The following PPM1L variants were observed in gnomAD, a reference collection of about 807,000 sequenced individuals.
The protein encoded by PPM1L is protein phosphatase 1L.
A neutral mutation model predicts 31.4 loss-of-function variants in PPM1L; 13 were observed. The observed-to-expected ratio is 0.41, with a 90% CI of 0.27 to 0.66. PPM1L has a LOEUF of 0.66. Among genes scored for constraint, PPM1L ranks in the 30% least tolerant of loss-of-function variants. PPM1L has a pLI of 0.29. For synonymous variants in PPM1L, 184 were observed against 175.4 expected (o/e 1.05, Z -0.39); for missense variants, 326 against 453.7 (o/e 0.72, Z 2.56).
At chr3:160,900,033 G>T (rs938987491) in intron 1 of PPM1L, among the ~76,000 whole-genome samples, 9 of 151,890 alleles carry the variant, frequency 5.9e-5, no homozygotes, top group Non-Finnish European at 1.2e-4. Context: ...TGTGTGTTTT[G>T]GTATATATAA....
chr3:161,076,210 A>AGAT lies in PPM1L; in HGVS notation c.*7055_*7057dup, dbSNP rs1266863930. The AGAT allele has an allele frequency of 6.6e-6, 1 of 152,178 alleles. No homozygotes were observed. The highest frequency in any genetic ancestry group is 1.5e-5 in the Non-Finnish European group (1 of 68,024). 9.4% of individuals were successfully genotyped at this position (152,178 alleles called of 1,614,324 possible). A position where few individuals can be genotyped will look rare whatever the true frequency, so the allele number is the denominator to read the frequency against. On this transcript the variant is annotated 3_prime_UTR_variant, in exon 4 of 4. Transcript: ENST00000498165. ...ATTAGACATCTCTAACCCAAGAAAA[A>AGAT]GATGTCTTTTGTATAACTTTTAAAT...
At chr3:160,781,483 T>A (rs558546631) in intron 1 of PPM1L, among the ~76,000 whole-genome samples, 1 of 152,186 alleles carries the variant, frequency 6.6e-6, no homozygotes, top group South Asian at 2.1e-4. Flanking sequence ...GTCCATTGTA[T>A]TAAAAGAAAA....
intron 1 of PPM1L, among the ~76,000 whole-genome samples, chr3:160,904,015 A>T (rs750044835): frequency 2.0e-5 from 3 of 152,128 alleles, no homozygotes; most frequent in Non-Finnish European, 2.9e-5. Flanking sequence ...AGTTGAAGGG[A>T]AGAGAAAAAT....
At chr3:160,799,685 T>C (rs1165419871) in intron 1 of PPM1L, among the ~76,000 whole-genome samples, 1 of 152,214 alleles carries the variant, frequency 6.6e-6, no homozygotes, top group African/African-American at 2.4e-5. Context: ...ACACTTGCTA[T>C]TCATTTTGCC....
At chr3:160,836,739 A>G (rs1313814492) in intron 1 of PPM1L, among the ~76,000 whole-genome samples, 2 of 152,152 alleles carry the variant, frequency 1.3e-5, no homozygotes, top group East Asian at 1.9e-4. Flanking sequence ...TCTTTAGTCA[A>G]TCAAGCACTC....
intron 2 of PPM1L, among the ~76,000 whole-genome samples, chr3:160,992,665 C>G (rs1171535885): frequency 1.3e-5 from 2 of 152,160 alleles, no homozygotes; most frequent in South Asian, 4.1e-4. Context: ...CAACTTTATC[C>G]TTGGAGCCAT....
chr3:160,906,073 T>C (rs1347898055), intron 1 of PPM1L, among the ~76,000 whole-genome samples: 3 of 152,068 alleles, frequency 2.0e-5, no homozygotes, highest in East Asian at 3.9e-4. Flanking sequence ...AACATTATTA[T>C]TATTATTTTT....
intron 2 of PPM1L, among the ~76,000 whole-genome samples, chr3:161,030,845 G>T (rs1576794120): frequency 6.6e-6 from 1 of 151,524 alleles, no homozygotes; most frequent in African/African-American, 2.4e-5. Context: ...AATCTCTGTT[G>T]AGAAAAAAAA....
In PPM1L at chr3:160,756,665, G is replaced by A; in HGVS notation, c.357G>A (p.Thr119=). The A allele has an allele frequency of 2.5e-6, 4 of 1,614,050 alleles. No homozygotes were observed. Among genetic ancestry groups the A allele is most frequent in the Non-Finnish European group, 3.4e-6 (4 of 1,180,018 alleles). ...TTCTCACGGATCTGGCCAACAAGAC[G>A]CACCCGTCCATCTTCGGGATCTTCG... ...FEVLTDLANK[T]HPSIFGIFDG... Residue 119 remains threonine (T), a synonymous_variant, in exon 1 of 4, where the codon ACG becomes ACA. Transcript: ENST00000498165. This position sits in a 1 kb window ranked among gnomAD's most constrained non-coding sequence, Gnocchi z 6.2.
At chr3:160,878,404 T>G (rs1712589952) in intron 1 of PPM1L, among the ~76,000 whole-genome samples, 1 of 152,210 alleles carries the variant, frequency 6.6e-6, no homozygotes, top group South Asian at 2.1e-4. Context: ...TGCTGGCTTA[T>G]TTAGTTCCTG....
chr3:161,016,259 T>A (rs115831587), intron 2 of PPM1L, among the ~76,000 whole-genome samples: 2,821 of 152,322 alleles, frequency 0.019, 78 homozygotes, highest in African/African-American at 0.063. Context: ...TGCATTAGAC[T>A]ATGATCTCCA....
intron 1 of PPM1L, among the ~76,000 whole-genome samples, chr3:160,849,335 C>T (rs886831308): frequency 5.3e-5 from 8 of 152,186 alleles, no homozygotes; most frequent in African/African-American, 1.9e-4. Context: ...TCACATTCAG[C>T]ATTCCCTGCA....
At chr3:160,814,360 A>T (rs1456775044) in intron 1 of PPM1L, among the ~76,000 whole-genome samples, 1 of 152,090 alleles carries the variant, frequency 6.6e-6, no homozygotes, top group Non-Finnish European at 1.5e-5. Context: ...TTGTCGTTAT[A>T]TGAAAAAGAC....
chr3:160,999,748 T>G (rs1300423085), intron 2 of PPM1L, among the ~76,000 whole-genome samples: 2 of 152,252 alleles, frequency 1.3e-5, no homozygotes, highest in African/African-American at 2.4e-5. Context: ...TATCTCAGTC[T>G]GAAGCATCTA....
At chr3:160,902,020 T>C (rs1181721512) in intron 1 of PPM1L, among the ~76,000 whole-genome samples, 2 of 152,176 alleles carry the variant, frequency 1.3e-5, no homozygotes, top group Non-Finnish European at 2.9e-5. Context: ...GTTATTTCCA[T>C]AGGATTTTTG....
intron 1 of PPM1L, among the ~76,000 whole-genome samples, chr3:160,849,965 C>T (rs1714213958): frequency 6.6e-6 from 1 of 152,182 alleles, no homozygotes; most frequent in Non-Finnish European, 1.5e-5. Context: ...ACAGCCAATT[C>T]TCTGACACCA....
At position 161,074,122 on chromosome 3, in the gene PPM1L, C is replaced by T. The variant is rs1720028390; in HGVS notation, c.*4965C>T. Reference sequence around the variant, plus strand: ...AAACTAATGATCTGTTATATAATAACTGAAATGTAAACTATTAACAGTTAT... The same window carrying T: ...AAACTAATGATCTGTTATATAATAATTGAAATGTAAACTATTAACAGTTAT... On this transcript the variant is annotated 3_prime_UTR_variant, in exon 4 of 4. Transcript: ENST00000498165. The T allele has an allele frequency of 3.3e-5, 5 of 152,282 alleles. No homozygotes were observed. In the South Asian group the frequency reaches 1.0e-3, roughly 32 times the overall value. 9.4% of individuals were successfully genotyped at this position (152,282 alleles called of 1,614,324 possible). A position where few individuals can be genotyped will look rare whatever the true frequency, so the allele number is the denominator to read the frequency against.
intron 3 of PPM1L, among the ~76,000 whole-genome samples, chr3:161,068,226 G>A (rs1290158701): frequency 6.6e-6 from 1 of 152,190 alleles, no homozygotes; most frequent in East Asian, 1.9e-4. Context: ...GGAGACTGAG[G>A]ATCAGAGAAA....
chr3:160,899,067 G>T (rs78842574), intron 1 of PPM1L, among the ~76,000 whole-genome samples: 3,600 of 152,108 alleles, frequency 0.024, 119 homozygotes, highest in African/African-American at 0.067. Context: ...TCCAGATACT[G>T]TGCTGGGTGT....
Sources: gnomAD v4.1 joint callset for allele counts (sites outside exome capture counted in the v4.1 genomes callset) on GRCh38, gnomAD v4.1.1 for gene constraint, Gnocchi (gnomAD v3.1) non-coding constraint, MANE v1.5 for transcripts, NCBI Gene and HGNC (gene_info 2026-07-23, HGNC 2026-07-21) for gene names.